GRIA2: variants seen among roughly 807,000 people sequenced by gnomAD.
GRIA2 encodes the protein glutamate receptor 2.
Under a neutral mutation model 97.3 loss-of-function variants are expected in GRIA2, and 14 were observed. The observed-to-expected ratio is 0.14, with a 90% CI of 0.10 to 0.23. GRIA2 has a LOEUF of 0.23. Ranked by LOEUF, GRIA2 falls within the 10% of genes least tolerant of loss-of-function variation. GRIA2 has a pLI of 1.00. For synonymous variants in GRIA2, 412 were observed against 387.8 expected, an observed-to-expected ratio of 1.06 and a Z score of -0.73; for missense variants, 558 against 1,069.8, an observed-to-expected ratio of 0.52 and a Z score of 6.67.
At chr4:157,333,419 C>A (rs1735146632) in intron 8 of GRIA2, 66 bp downstream of exon 8, 4 of 716,662 alleles carry the variant, frequency 5.6e-6, no homozygotes, top group African/African-American at 3.6e-5. Context: ...TATGAGTTCA[C>A]CCTTCCAGAG....
At chr4:157,338,548 C>A (rs1735406739) in intron 11 of GRIA2, among the ~76,000 whole-genome samples, 1 of 151,988 alleles carries the variant, frequency 6.6e-6, no homozygotes, top group African/African-American at 2.4e-5. Flanking sequence ...ATGACTTCTC[C>A]TTTTCATCAA....
chr4:157,351,407 G>A (rs1012857580), intron 12 of GRIA2, among the ~76,000 whole-genome samples: 3 of 152,106 alleles, frequency 2.0e-5, no homozygotes, highest in African/African-American at 7.2e-5. Flanking sequence ...ATGCATATAT[G>A]TGCACGTATA....
intron 2 of GRIA2, among the ~76,000 whole-genome samples, chr4:157,284,193 G>A (rs955883527): frequency 6.6e-6 from 1 of 151,800 alleles, no homozygotes; most frequent in Non-Finnish European, 1.5e-5. Flanking sequence ...AGTTGTGTGA[G>A]AGGGGGAACT....
chr4:157,275,042 T>A (rs1314296493), intron 2 of GRIA2, among the ~76,000 whole-genome samples: 1 of 151,996 alleles, frequency 6.6e-6, no homozygotes, highest in Non-Finnish European at 1.5e-5. Flanking sequence ...GTTTCCTGAC[T>A]TTTTAATGAT....
chr4:157,363,264 A>G (rs1736717043), intron 15 of GRIA2, 171 bp from the exon 16 acceptor site: 1 of 606,276 alleles, frequency 1.6e-6, no homozygotes, highest in African/African-American at 1.8e-5. Flanking sequence ...GATTCCTGCC[A>G]TAATTGTGCT....
At chr4:157,357,154 T>A (rs1736420298) in intron 12 of GRIA2, among the ~76,000 whole-genome samples, 1 of 152,180 alleles carries the variant, frequency 6.6e-6, no homozygotes, top group Admixed American at 6.5e-5. Context: ...ATATGTTTAA[T>A]AGAAAGTAAA....
chr4:157,250,227 G>A (rs1445715820), intron 2 of GRIA2, among the ~76,000 whole-genome samples: 1 of 152,066 alleles, frequency 6.6e-6, no homozygotes, highest in East Asian at 1.9e-4. Flanking sequence ...TGGAAAGTAA[G>A]AGTAGAAACA....
chr4:157,277,874 ATATATATG>A (rs1025470287), intron 2 of GRIA2, among the ~76,000 whole-genome samples: 6 of 144,214 alleles, frequency 4.2e-5, no homozygotes, highest in Admixed American at 2.1e-4. Flanking sequence ...GTATATATGT[ATATATATG>A]TATATATGTA....
At chr4:157,284,540 C>A (rs1158815702) in intron 2 of GRIA2, among the ~76,000 whole-genome samples, 3 of 151,724 alleles carry the variant, frequency 2.0e-5, no homozygotes, top group Non-Finnish European at 2.9e-5. Flanking sequence ...AGACATAAAA[C>A]ATTACCAATA....
intron 2 of GRIA2, among the ~76,000 whole-genome samples, chr4:157,225,892 A>C (rs981145628): frequency 1.3e-5 from 2 of 151,944 alleles, no homozygotes; most frequent in Non-Finnish European, 2.9e-5. Context: ...ATCAATAGCA[A>C]ATTTTAGGAA....
Position 157,228,375 on chromosome 4 carries a change from A to C in GRIA2, c.229+6568A>C, listed in dbSNP as rs79704565. Among the ~76,000 whole-genome samples the C allele has an allele frequency of 2.6e-5, 4 of 152,308 alleles. No homozygotes were observed. The East Asian group carries it at 7.7e-4, about 29-fold the overall frequency. ...TTTCACTTTCATCTACAACCTAGAT[A>C]TTGTCAAAGTTGTTATTTTTATCTC... is the stretch of plus-strand genomic sequence containing the variant. On this transcript the variant is annotated intron_variant, in intron 2 of 15. Transcript: ENST00000264426.
intron 12 of GRIA2, among the ~76,000 whole-genome samples, chr4:157,355,660 ATATTTATT>A (rs1173871970): frequency 9.4e-3 from 1,135 of 120,794 alleles, no homozygotes; most frequent in Middle Eastern, 0.028. Flanking sequence ...ATATTTATTT[ATATTTATT>A]TTTATATATT....
At chr4:157,281,990 C>G (rs1190474305) in intron 2 of GRIA2, among the ~76,000 whole-genome samples, 2 of 152,144 alleles carry the variant, frequency 1.3e-5, no homozygotes, top group Admixed American at 6.6e-5. Flanking sequence ...CACAGGTTCA[C>G]TAAGTACATT....
chr4:157,338,819 GTT>G (rs745819171), intron 11 of GRIA2, among the ~76,000 whole-genome samples: 24 of 152,092 alleles, frequency 1.6e-4, no homozygotes, highest in Non-Finnish European at 7.4e-5. Context: ...CATTGGAAAA[GTT>G]AATGATTTTT....
At chr4:157,350,650 A>G (rs1356271601) in intron 12 of GRIA2, among the ~76,000 whole-genome samples, 2 of 151,122 alleles carry the variant, frequency 1.3e-5, no homozygotes, top group African/African-American at 4.9e-5. Context: ...CTCTATTGCT[A>G]TTTATTTTGC....
chr4:157,231,663 G>A (rs1167875738), intron 2 of GRIA2, among the ~76,000 whole-genome samples: 1 of 152,148 alleles, frequency 6.6e-6, no homozygotes, highest in African/African-American at 2.4e-5. Context: ...AGCATGGAAT[G>A]TGTCATAGTA....
intron 2 of GRIA2, among the ~76,000 whole-genome samples, chr4:157,236,724 G>T (rs1730265868): frequency 6.6e-6 from 1 of 152,032 alleles, no homozygotes; most frequent in African/African-American, 2.4e-5. Flanking sequence ...TTTGCTCTTG[G>T]TATCTTATTG....
chr4:157,326,783 A>G (rs1329501448), intron 6 of GRIA2, among the ~76,000 whole-genome samples: 1 of 152,228 alleles, frequency 6.6e-6, no homozygotes, highest in Non-Finnish European at 1.5e-5. Context: ...TGTATGATCC[A>G]GAAGTTTTAT....
In GRIA2 at chr4:157,320,430, T is replaced by C. The variant is rs1253489992; in HGVS notation, c.721-1008T>C. Reference sequence around the variant, plus strand: ...TATGTGAAAAGCAAATATATTAAAATTGAATGTTTTGAAGCAACTTAACTG... The same window carrying C: ...TATGTGAAAAGCAAATATATTAAAACTGAATGTTTTGAAGCAACTTAACTG... On this transcript the variant is annotated intron_variant, in intron 5 of 15. Coordinates refer to ENST00000264426, the MANE Select transcript of GRIA2 (RefSeq NM_001083619.3). Among the ~76,000 whole-genome samples the C allele has an allele frequency of 2.6e-5, 4 of 152,080 alleles. No individual in the cohort carries two copies. The South Asian group carries it at 6.2e-4, about 24-fold the overall frequency.
Sources: allele counts gnomAD v4.1 joint callset (sites outside exome capture counted in the v4.1 genomes callset), GRCh38; gene constraint gnomAD v4.1.1; transcripts MANE v1.5; gene names NCBI Gene and HGNC (gene_info 2026-07-23, HGNC 2026-07-21).